Variants in CCDC68 observed in about 807,000 individuals in gnomAD.
CCDC68 encodes coiled-coil domain-containing protein 68.
In CCDC68, 45 loss-of-function variants were observed where a neutral mutation model predicts 47.1. The ratio of observed to expected loss-of-function variants is 0.96; its 90% CI spans 0.75 to 1.23. The LOEUF (loss-of-function observed/expected upper bound fraction) is 1.23, where lower values mean the gene tolerates loss of function less well. Ranked by LOEUF, CCDC68 falls within the 50% of genes most tolerant of loss-of-function variation. CCDC68 has a pLI of 0.00. For synonymous variants in CCDC68, 131 were observed against 129.5 expected (o/e 1.01, Z -0.08); for missense variants, 353 against 373.6 (o/e 0.94, Z 0.45).
chr18:54,929,862 A>G (rs926186136), intron 7 of CCDC68, among the ~76,000 whole-genome samples: 3 of 152,210 alleles, frequency 2.0e-5, no homozygotes, highest in Admixed American at 1.3e-4. Context: ...TACCAATGTT[A>G]AGAAAAATTA....
chr18:54,959,242 A>G (rs1011077030), intron 1 of CCDC68, 94 bp downstream of exon 1: 1 of 152,330 alleles, frequency 6.6e-6, no homozygotes, highest in African/African-American at 2.4e-5. Context: ...CCACTGGGGA[A>G]GCCGCTGGAA....
chr18:54,909,517 T>C (rs1441609827), intron 10 of CCDC68, among the ~76,000 whole-genome samples: 1 of 152,202 alleles, frequency 6.6e-6, no homozygotes, highest in Non-Finnish European at 1.5e-5. Flanking sequence ...GCCAGAGTTT[T>C]ACTTGGTTCC....
At chr18:54,937,123 G>T in intron 5 of CCDC68, 165 bp from the exon 6 acceptor site, 3 of 658,568 alleles carry the variant, frequency 4.6e-6, no homozygotes. Context: ...AGAGGAAAAT[G>T]TAAAATGAGA....
intron 1 of CCDC68, among the ~76,000 whole-genome samples, chr18:54,946,724 C>A (rs1408281365): frequency 6.6e-6 from 1 of 152,192 alleles, no homozygotes; most frequent in Non-Finnish European, 1.5e-5. Context: ...AAACTTCCCA[C>A]CTTTTCCACT....
intron 8 of CCDC68, among the ~76,000 whole-genome samples, chr18:54,928,562 C>T (rs1242564758): frequency 2.0e-5 from 3 of 152,190 alleles, no homozygotes; most frequent in African/African-American, 7.2e-5. Context: ...CTGCAGGGTT[C>T]CCTGCACCCC....
At chr18:54,930,590 C>A (rs968243693) in intron 7 of CCDC68, among the ~76,000 whole-genome samples, 2 of 62,608 alleles carry the variant, frequency 3.2e-5, no homozygotes, top group Non-Finnish European at 6.7e-5. Flanking sequence ...ATACTCACTC[C>A]CTTCCTTCCT....
intron 2 of CCDC68, among the ~76,000 whole-genome samples, chr18:54,945,027 G>C (rs759836127): frequency 6.6e-6 from 1 of 152,132 alleles, no homozygotes; most frequent in Non-Finnish European, 1.5e-5. Context: ...AATTTTGCTA[G>C]CTGTGATAAT....
intron 11 of CCDC68, among the ~76,000 whole-genome samples, chr18:54,906,412 C>CA (rs1294351935): frequency 6.6e-6 from 1 of 151,726 alleles, no homozygotes; most frequent in South Asian, 2.1e-4. Context: ...AAGCGTTGGC[C>CA]AAAAAAAGCA....
intron 8 of CCDC68, among the ~76,000 whole-genome samples, chr18:54,926,445 C>G (rs573223079): frequency 6.6e-6 from 1 of 152,184 alleles, no homozygotes; most frequent in African/African-American, 2.4e-5. Context: ...TTGGGCTAAC[C>G]GCCCCCATGG....
chr18:54,908,856 T>C (rs1309475642), intron 10 of CCDC68, among the ~76,000 whole-genome samples: 1 of 152,048 alleles, frequency 6.6e-6, no homozygotes, highest in East Asian at 1.9e-4. Context: ...ACCACAAGTG[T>C]GCACCACTAT....
At chr18:54,953,362 T>TA (rs2044650873) in intron 1 of CCDC68, among the ~76,000 whole-genome samples, 1 of 152,150 alleles carries the variant, frequency 6.6e-6, no homozygotes, top group African/African-American at 2.4e-5. Context: ...TGGCAGGATC[T>TA]AAAAAAAGCA....
At position 54,906,181 on chromosome 18, in the gene CCDC68, G is replaced by GT. The variant is rs1235036048; in HGVS notation, c.950+1604_950+1605insA. ...GGAAAAACTGTCTTCCATGAAACTG[G>GT]ACCCTGGTTCCAAAAAGGTTGGGGA... On this transcript the variant is annotated intron_variant, in intron 11 of 11. Coordinates refer to ENST00000591504, the MANE Select transcript of CCDC68 (RefSeq NM_025214.3). Among the ~76,000 whole-genome samples, 8 of 5,264 alleles carry GT rather than the reference G, an allele frequency of 1.5e-3. No individual in the cohort carries two copies. The Non-Finnish European group carries it at 0.031, about 20-fold the overall frequency. The allele number at this position is 5,264 out of a possible 152,430, so 3.5% of individuals were successfully genotyped here. A position where few individuals can be genotyped will look rare whatever the true frequency, so the allele number is the denominator to read the frequency against.
intron 7 of CCDC68, among the ~76,000 whole-genome samples, chr18:54,930,062 G>A (rs751247064): frequency 1.3e-5 from 2 of 151,942 alleles, no homozygotes; most frequent in Non-Finnish European, 2.9e-5. Flanking sequence ...ATTTCTGTCC[G>A]GTAGAAGACA....
In CCDC68 at chr18:54,927,892, T is replaced by C. The variant is rs145367734; in HGVS notation, c.683+908A>G. Among the ~76,000 whole-genome samples, 654 of 151,910 alleles carry C rather than the reference T, an allele frequency of 4.3e-3. 3 individuals are homozygous for C. The highest frequency in any genetic ancestry group is 6.6e-3 in the Non-Finnish European group (449 of 67,916). On this transcript the variant is annotated intron_variant, in intron 8 of 11. Transcript: ENST00000591504. ...ATATGAGGACAGGTGGGAAGAAAGA[T>C]AAAAAAGGAAAGGAAGCAGCAGGGA...
chr18:54,909,501 G>A (rs367656625), intron 10 of CCDC68, among the ~76,000 whole-genome samples: 2 of 151,600 alleles, frequency 1.3e-5, no homozygotes, highest in Non-Finnish European at 2.9e-5. Flanking sequence ...GGCCAGTGGC[G>A]CCTTTGCCAG....
At chr18:54,939,731 G>A (rs1402579700) in intron 4 of CCDC68, among the ~76,000 whole-genome samples, 2 of 152,096 alleles carry the variant, frequency 1.3e-5, no homozygotes, top group South Asian at 2.1e-4. Flanking sequence ...GAGGGGTCCC[G>A]CCGTGCTTCT....
intron 2 of CCDC68, among the ~76,000 whole-genome samples, chr18:54,943,656 G>T (rs556190509): frequency 1.2e-3 from 188 of 152,226 alleles, no homozygotes; most frequent in Non-Finnish European, 1.8e-3. Context: ...AAAAAGAATA[G>T]CAAAATAATC....
rs1055557565 is a variant in CCDC68, at chr18:54,917,424, A to G, written c.873+489T>C. Among the ~76,000 whole-genome samples, 10 of 152,316 alleles carry G rather than the reference A, an allele frequency of 6.6e-5. No homozygotes were observed. In the South Asian group the frequency reaches 1.2e-3, roughly 19 times the overall value. ...TTGAGCAAGCCTCTGATTCAAGCCC[A>G]TATCGAGAGAAGTTATCATCTGCCT... On this transcript the variant is annotated intron_variant, in intron 10 of 11. Coordinates refer to ENST00000591504, the MANE Select transcript of CCDC68 (RefSeq NM_025214.3).
chr18:54,923,497 G>C (rs76471827), intron 8 of CCDC68, among the ~76,000 whole-genome samples: 10,680 of 151,402 alleles, frequency 0.071, 535 homozygotes, highest in African/African-American at 0.13. Flanking sequence ...ATTTCTAGAA[G>C]CACTCTTGAA....
Sources: allele counts gnomAD v4.1 joint callset (sites outside exome capture counted in the v4.1 genomes callset), GRCh38; gene constraint gnomAD v4.1.1; transcripts MANE v1.5; gene names NCBI Gene and HGNC (gene_info 2026-07-23, HGNC 2026-07-21).